The following DPP10 variants were observed in gnomAD, a reference collection of about 807,000 sequenced individuals.
DPP10 encodes the protein inactive dipeptidyl peptidase 10.
A neutral mutation model predicts 120.9 loss-of-function variants in DPP10; 33 were observed. The ratio of observed to expected loss-of-function variants is 0.27; its 90% CI spans 0.21 to 0.37. The LOEUF is 0.37. Among genes scored for constraint, DPP10 ranks in the 10% least tolerant of loss-of-function variants. The pLI is 1.00. For missense variants in DPP10, 816 were observed against 942.8 expected, an observed-to-expected ratio of 0.87 and a Z score of 1.76; for synonymous variants, 337 against 326.1, an observed-to-expected ratio of 1.03 and a Z score of -0.36.
At chr2:115,260,763 T>A (rs1406157669) in intron 1 of DPP10, among the ~76,000 whole-genome samples, 1 of 152,154 alleles carries the variant, frequency 6.6e-6, no homozygotes, top group African/African-American at 2.4e-5. Flanking sequence ...CTTAAATAGG[T>A]TTTAATTGGA....
At chr2:115,635,049 A>G (rs967799793) in intron 5 of DPP10, among the ~76,000 whole-genome samples, 1 of 151,618 alleles carries the variant, frequency 6.6e-6, no homozygotes, top group Non-Finnish European at 1.5e-5. Flanking sequence ...GGTCCAAACC[A>G]TCCATTTTCC....
chr2:115,243,086 A>G (rs772301224), intron 1 of DPP10, among the ~76,000 whole-genome samples: 8 of 152,222 alleles, frequency 5.3e-5, no homozygotes, highest in Admixed American at 2.6e-4. Flanking sequence ...TACTAGGCAT[A>G]TAATTTGCCT....
intron 5 of DPP10, among the ~76,000 whole-genome samples, chr2:115,673,115 A>T (rs889680540): frequency 6.6e-6 from 1 of 152,168 alleles, no homozygotes; most frequent in Non-Finnish European, 1.5e-5. Flanking sequence ...TCGCCTACAT[A>T]GCTTAATATG....
chr2:114,930,261 C>A (rs1362709513), intron 1 of DPP10, among the ~76,000 whole-genome samples: 1 of 152,170 alleles, frequency 6.6e-6, no homozygotes, highest in Non-Finnish European at 1.5e-5. Flanking sequence ...TACCGCATAG[C>A]CAGGCTGAAA....
chr2:114,506,892 T>G (rs1399676158), intron 1 of DPP10, among the ~76,000 whole-genome samples: 1 of 152,194 alleles, frequency 6.6e-6, no homozygotes, highest in African/African-American at 2.4e-5. Context: ...ACCAAGTGCC[T>G]TCAAGCACGG....
intron 3 of DPP10, among the ~76,000 whole-genome samples, chr2:115,376,524 T>C (rs1332004534): frequency 1.3e-5 from 2 of 151,370 alleles, no homozygotes; most frequent in East Asian, 3.9e-4. Flanking sequence ...ATTCTAATAG[T>C]CCCTTTCTTT....
intron 2 of DPP10, among the ~76,000 whole-genome samples, chr2:115,329,074 G>A (rs2062545818): frequency 6.6e-6 from 1 of 151,978 alleles, no homozygotes; most frequent in South Asian, 2.1e-4. Context: ...TTTGTTTTAT[G>A]TACTCAGTAT....
chr2:115,428,099 A>G (rs2070643753), intron 3 of DPP10, among the ~76,000 whole-genome samples: 1 of 152,218 alleles, frequency 6.6e-6, no homozygotes, highest in Non-Finnish European at 1.5e-5. Context: ...GTTTCCAACA[A>G]GTTCCTCATT....
At chr2:115,742,640 A>G (rs1465902218) in intron 9 of DPP10, among the ~76,000 whole-genome samples, 1 of 152,080 alleles carries the variant, frequency 6.6e-6, no homozygotes, top group African/African-American at 2.4e-5. Flanking sequence ...CATTTTGGGT[A>G]TGTTACGTCA....
intron 5 of DPP10, among the ~76,000 whole-genome samples, chr2:115,625,379 T>C (rs2085280825): frequency 6.6e-6 from 1 of 152,140 alleles, no homozygotes; most frequent in African/African-American, 2.4e-5. Flanking sequence ...AACAGTCCCA[T>C]GTAACTATAG....
chr2:114,817,380 G>T (rs1219164175), intron 1 of DPP10, among the ~76,000 whole-genome samples: 2 of 152,168 alleles, frequency 1.3e-5, no homozygotes, highest in Non-Finnish European at 2.9e-5. Flanking sequence ...TATGTACAGA[G>T]GTGAGGATGA....
intron 1 of DPP10, among the ~76,000 whole-genome samples, chr2:114,861,805 G>C (rs150326997): frequency 6.6e-6 from 1 of 152,048 alleles, no homozygotes; most frequent in Admixed American, 6.6e-5. Flanking sequence ...AAATAGCAAA[G>C]TAACATTGGG....
rs552108780 is a variant in DPP10 at position 115,226,007 on chromosome 2, AT to A, written c.61-83226del. On this transcript the variant is annotated intron_variant, in intron 1 of 25. Transcript: ENST00000410059. ...TCCATCAAAACTCTAATTTTTAAATATTTTTTGGACAGTAATGTTAGCTGTT... is the reference window on the plus strand; with the variant it reads ...TCCATCAAAACTCTAATTTTTAAATATTTTTGGACAGTAATGTTAGCTGTT... Among the ~76,000 whole-genome samples the A allele has an allele frequency of 7.9e-5, 12 of 152,148 alleles. 1 individual carries two copies. The South Asian group carries it at 1.5e-3, about 18-fold the overall frequency.
chr2:115,094,193 T>C lies in DPP10; in HGVS notation c.61-215046T>C, dbSNP rs74464384. 3.6e-3 allele frequency among the ~76,000 whole-genome samples: 542 copies of C among 152,230 alleles called. 15 individuals are homozygous for C. In the East Asian group the frequency reaches 0.077, roughly 22 times the overall value. On this transcript the variant is annotated intron_variant, in intron 1 of 25. Transcript: ENST00000410059. ...ATCACTGTTACTTTACACTTTGATG[T>C]GCAAATTAAAATCGAGAACGTGTCA...
intron 1 of DPP10, among the ~76,000 whole-genome samples, chr2:114,598,002 G>GGC (rs1692066783): frequency 1.3e-5 from 2 of 151,822 alleles, no homozygotes; most frequent in Non-Finnish European, 2.9e-5. Flanking sequence ...AAGTTTTAAG[G>GGC]GAGACATGTT....
intron 1 of DPP10, among the ~76,000 whole-genome samples, chr2:115,237,799 C>T (rs909718412): frequency 5.3e-5 from 8 of 152,066 alleles, no homozygotes; most frequent in African/African-American, 1.2e-4. Context: ...AGAGCAAGGC[C>T]GTAACTCCCT....
intron 1 of DPP10, among the ~76,000 whole-genome samples, chr2:114,733,396 A>G (rs1455286814): frequency 6.6e-6 from 1 of 152,172 alleles, no homozygotes; most frequent in African/African-American, 2.4e-5. Flanking sequence ...TCTTTGTGCC[A>G]GGTCTAAATT....
intron 1 of DPP10, among the ~76,000 whole-genome samples, chr2:114,695,835 C>G (rs879643079): frequency 5.3e-5 from 8 of 151,936 alleles, no homozygotes; most frequent in Non-Finnish European, 1.0e-4. Flanking sequence ...TGTGATGCAG[C>G]CAAAGAAATT....
In DPP10 at chr2:114,468,513, C is replaced by T. The variant is rs961523437; in HGVS notation, c.60+25675C>T. ...ATTTGTAAATCAGTTGTTTGAAACTCGGAATTCATTTTCCTGCAGAAACAG... is the reference window on the plus strand; with the variant it reads ...ATTTGTAAATCAGTTGTTTGAAACTTGGAATTCATTTTCCTGCAGAAACAG... On this transcript the variant is annotated intron_variant, in intron 1 of 25. Coordinates refer to ENST00000410059, the MANE Select transcript of DPP10 (RefSeq NM_020868.6). Among the ~76,000 whole-genome samples the T allele has an allele frequency of 5.3e-5, 8 of 151,712 alleles. No individual in the cohort carries two copies. The East Asian group carries it at 1.2e-3, about 22-fold the overall frequency.
Sources: gnomAD v4.1 joint callset for allele counts (sites outside exome capture counted in the v4.1 genomes callset) on GRCh38, gnomAD v4.1.1 for gene constraint, MANE v1.5 for transcripts, NCBI Gene and HGNC (gene_info 2026-07-23, HGNC 2026-07-21) for gene names.